Variants in CA10 observed in about 807,000 individuals in gnomAD.
CA10 encodes carbonic anhydrase 10 (inactive).
CA10 carries 14 observed loss-of-function variants against 44.2 expected under a neutral mutation model. That is an observed-to-expected ratio of 0.32 (90% CI 0.21 to 0.50). The LOEUF is 0.50. Among genes scored for constraint, CA10 ranks in the 20% least tolerant of loss-of-function variants. The pLI is 0.99. For synonymous variants in CA10, 159 were observed against 141.6 expected (o/e 1.12, Z -0.87); for missense variants, 350 against 409.7 (o/e 0.85, Z 1.26).
At chr17:51,821,016 C>A in intron 3 of CA10, among the ~76,000 whole-genome samples, 2 of 132,896 alleles carry the variant, frequency 1.5e-5, no homozygotes, top group Non-Finnish European at 1.6e-5. Flanking sequence ...TCCCTCCCTC[C>A]CTTAATTCCT....
rs551943784 is a variant in CA10 at position 51,843,769 on chromosome 17, G to A, written c.279+87221C>T. 2.0e-4 allele frequency among the ~76,000 whole-genome samples: 30 copies of A among 152,230 alleles called. 1 individual carries two copies. The highest frequency in any genetic ancestry group is 1.0e-3 in the Admixed American group (16 of 15,288). On this transcript the variant is annotated intron_variant, in intron 3 of 8. Coordinates refer to ENST00000451037, the MANE Select transcript of CA10 (RefSeq NM_020178.5). Reference sequence around the variant, plus strand: ...ATGCTATCTTTAGGAGGATAGAAGCGTAGCTGTAGAAAGAAGAGAAAAATT... The same window carrying A: ...ATGCTATCTTTAGGAGGATAGAAGCATAGCTGTAGAAAGAAGAGAAAAATT...
intron 2 of CA10, among the ~76,000 whole-genome samples, chr17:52,032,758 G>A (rs556626475): frequency 8.1e-4 from 123 of 152,158 alleles, no homozygotes; most frequent in Non-Finnish European, 1.5e-3. Context: ...AAATATCACT[G>A]GTCTAAGAGA....
intron 3 of CA10, among the ~76,000 whole-genome samples, chr17:51,836,841 C>G (rs1451831903): frequency 3.3e-5 from 5 of 152,066 alleles, no homozygotes; most frequent in African/African-American, 9.7e-5. Flanking sequence ...TAAATACTCC[C>G]CAAAGAGGAA....
intron 1 of CA10, among the ~76,000 whole-genome samples, chr17:52,124,980 C>G (rs1343450720): frequency 6.6e-6 from 1 of 152,216 alleles, no homozygotes; most frequent in Admixed American, 6.5e-5. Context: ...ACCATGCCCT[C>G]TGATGCTATT....
intron 2 of CA10, among the ~76,000 whole-genome samples, chr17:51,972,909 G>A (rs1266748324): frequency 6.6e-6 from 1 of 152,102 alleles, no homozygotes; most frequent in Non-Finnish European, 1.5e-5. Flanking sequence ...ATGCAAGCAT[G>A]GCTATTGGGA....
intron 2 of CA10, among the ~76,000 whole-genome samples, chr17:52,028,398 A>C (rs1338287674): frequency 6.6e-6 from 1 of 152,176 alleles, no homozygotes; most frequent in African/African-American, 2.4e-5. Context: ...TCACAAAACT[A>C]TTCTAGTTTT....
intron 3 of CA10, among the ~76,000 whole-genome samples, chr17:51,890,884 A>G (rs1406075086): frequency 6.6e-6 from 1 of 152,188 alleles, no homozygotes; most frequent in Non-Finnish European, 1.5e-5. Context: ...GGAGAGAATT[A>G]AAAACTTGTT....
intron 2 of CA10, among the ~76,000 whole-genome samples, chr17:51,955,168 G>T (rs935316265): frequency 2.5e-4 from 38 of 152,102 alleles, no homozygotes; most frequent in Non-Finnish European, 1.8e-4. Flanking sequence ...AGGCAAAAAA[G>T]AAGAGAAAAA....
intron 3 of CA10, among the ~76,000 whole-genome samples, chr17:51,776,283 G>A (rs976380366): frequency 4.6e-5 from 7 of 152,168 alleles, no homozygotes; most frequent in East Asian, 1.9e-4. Context: ...GCTGAGGCAG[G>A]AGAATCGCTT....
intron 4 of CA10, among the ~76,000 whole-genome samples, chr17:51,712,966 G>A (rs1435434642): frequency 3.9e-5 from 6 of 152,200 alleles, no homozygotes; most frequent in African/African-American, 1.4e-4. Context: ...TGTTCCCACT[G>A]TCTGATTATC....
intron 4 of CA10, among the ~76,000 whole-genome samples, chr17:51,693,835 A>T (rs1915305594): frequency 6.6e-6 from 1 of 152,134 alleles, no homozygotes; most frequent in South Asian, 2.1e-4. Context: ...TGGTAGAACA[A>T]TTTATTTTCT....
intron 3 of CA10, among the ~76,000 whole-genome samples, chr17:51,909,346 T>G (rs562362876): frequency 3.4e-4 from 52 of 152,274 alleles, no homozygotes; most frequent in African/African-American, 1.2e-3. Flanking sequence ...TTAGTCACTA[T>G]TTATCTGAAG....
chr17:51,993,264 A>T (rs2144107180), intron 2 of CA10, among the ~76,000 whole-genome samples: 1 of 152,172 alleles, frequency 6.6e-6, no homozygotes, highest in Non-Finnish European at 1.5e-5. Flanking sequence ...CAGTTAATTG[A>T]ATTATGTATG....
intron 3 of CA10, among the ~76,000 whole-genome samples, chr17:51,878,339 C>G (rs950246711): frequency 6.6e-6 from 1 of 151,944 alleles, no homozygotes; most frequent in African/African-American, 2.4e-5. Context: ...AGTTCAGAAG[C>G]CCCTGCATTA....
intron 6 of CA10, among the ~76,000 whole-genome samples, chr17:51,638,768 C>T (rs893509338): frequency 2.6e-5 from 4 of 152,074 alleles, no homozygotes; most frequent in African/African-American, 9.7e-5. Context: ...GGCGAGGGTG[C>T]GGGGTACTCA....
At chr17:52,152,252 T>G (rs1364287075) in intron 1 of CA10, among the ~76,000 whole-genome samples, 1 of 152,094 alleles carries the variant, frequency 6.6e-6, no homozygotes, top group Non-Finnish European at 1.5e-5. Flanking sequence ...TAACAAAGAA[T>G]CCATTGAACC....
At chr17:51,988,349 T>C (rs1330177838) in intron 2 of CA10, among the ~76,000 whole-genome samples, 2 of 151,850 alleles carry the variant, frequency 1.3e-5, no homozygotes, top group Non-Finnish European at 2.9e-5. Flanking sequence ...AATGAAGCAG[T>C]CAGTAAGATA....
At chr17:51,677,879 GTA>G (rs900767984) in intron 4 of CA10, among the ~76,000 whole-genome samples, 1 of 78,436 alleles carries the variant, frequency 1.3e-5, no homozygotes, top group African/African-American at 3.9e-5. Context: ...CCACTCCTAG[GTA>G]TACACCCCCC....
In CA10 at chr17:51,657,846, C is replaced by T. The variant is rs187247652; in HGVS notation, c.466-4110G>A. 3.5e-3 allele frequency among the ~76,000 whole-genome samples: 534 copies of T among 152,162 alleles called. 3 individuals carry two copies. The highest frequency in any genetic ancestry group is 0.012 in the African/African-American group (494 of 41,512). Reference sequence around the variant, plus strand: ...GCAGGGACAATGAGAGCAAACTCTTCGGGGGCTAATGATGACATGCTAATT... The same window carrying T: ...GCAGGGACAATGAGAGCAAACTCTTTGGGGGCTAATGATGACATGCTAATT... On this transcript the variant is annotated intron_variant, in intron 4 of 8. Transcript: ENST00000451037.
Sources: allele counts gnomAD v4.1 joint callset (sites outside exome capture counted in the v4.1 genomes callset), GRCh38; gene constraint gnomAD v4.1.1; transcripts MANE v1.5; gene names NCBI Gene and HGNC (gene_info 2026-07-23, HGNC 2026-07-21).